DSE: variants seen among roughly 807,000 people sequenced by gnomAD.
DSE encodes dermatan sulfate epimerase.
A neutral mutation model predicts 84.4 loss-of-function variants in DSE; 36 were observed. The observed-to-expected ratio is 0.43, with a 90% confidence interval of 0.33 to 0.56. The LOEUF (loss-of-function observed/expected upper bound fraction) is 0.56, where lower values mean the gene tolerates loss of function less well. Among genes scored for constraint, DSE ranks in the 20% least tolerant of loss-of-function variants. DSE has a pLI of 0.06. For missense variants in DSE, 862 were observed against 1,169.6 expected (o/e 0.74, Z 3.84); for synonymous variants, 410 against 430.1 (o/e 0.95, Z 0.58).
chr6:116,278,252 T>G (rs2114630995), intron 2 of DSE: 1 of 464,738 alleles, frequency 2.2e-6, no homozygotes, highest in South Asian at 2.1e-5. Context: ...ACAGTATCAT[T>G]TGCTTGGCTT....
intron 2 of DSE, among the ~76,000 whole-genome samples, chr6:116,263,013 A>G (rs1204856): frequency 0.22 from 33,691 of 152,022 alleles, 3,874 homozygotes; most frequent in East Asian, 0.28. Context: ...GCATTTGCTG[A>G]TGAGTGTTTT....
In DSE at chr6:116,358,477, A is replaced by C. The variant is rs540229467; in HGVS notation, c.-53-40721A>C. On this transcript the variant is annotated intron_variant, in intron 2 of 3. Transcript: ENST00000430252. ...TGGAATATGCCAGGTGTAGGGTAGA[A>C]AATGCAGTTCTTGGAAGTATCCTTC... 1.9e-4 allele frequency among the ~76,000 whole-genome samples: 29 copies of C among 152,310 alleles called. No individual in the cohort carries two copies. In the South Asian group the frequency reaches 5.8e-3, roughly 30 times the overall value.
At chr6:116,317,599 A>G (rs1236452941) in intron 2 of DSE, among the ~76,000 whole-genome samples, 1 of 152,250 alleles carries the variant, frequency 6.6e-6, no homozygotes, top group Non-Finnish European at 1.5e-5. Context: ...GTTTAATGCT[A>G]AACAAAAGGG....
chr6:116,362,600 T>C (rs1583091917), intron 2 of DSE, among the ~76,000 whole-genome samples: 1 of 152,330 alleles, frequency 6.6e-6, no homozygotes, highest in Admixed American at 6.5e-5. Flanking sequence ...AGCACCTTGA[T>C]CTTGAACTTC....
intron 2 of DSE, among the ~76,000 whole-genome samples, chr6:116,331,403 G>A (rs891734667): frequency 2.6e-5 from 4 of 152,152 alleles, no homozygotes; most frequent in South Asian, 2.1e-4. Context: ...AGTGCACTGC[G>A]AAGTGGGGAA....
chr6:116,379,395 C>G (rs1562266866), intron 1 of DSE, among the ~76,000 whole-genome samples: 1 of 152,108 alleles, frequency 6.6e-6, no homozygotes, highest in Non-Finnish European at 1.5e-5. Flanking sequence ...CATTGAAAAC[C>G]TCCAAAGTTA....
In DSE at chr6:116,350,827, C is replaced by T. The variant is rs575610265; in HGVS notation, c.-53-48371C>T. Among the ~76,000 whole-genome samples, 18 of 151,830 alleles carry T rather than the reference C, an allele frequency of 1.2e-4. No individual in the cohort carries two copies. In the South Asian group the frequency reaches 3.7e-3, roughly 32 times the overall value. ...GACTCCAAGTAATAAAAAAAAATAG[C>T]TTTTGGGTCTTTTCCATGCCTTTAG... is the stretch of plus-strand genomic sequence containing the variant. On this transcript the variant is annotated intron_variant, in intron 2 of 3. Coordinates refer to the DSE transcript ENST00000430252.
At chr6:116,279,905 C>G (rs1392305415) in intron 2 of DSE, 1 of 1,595,598 alleles carries the variant, frequency 6.3e-7, no homozygotes, top group Admixed American at 1.7e-5. Context: ...AACCGCCGCT[C>G]GCACCGCCCA....
At chr6:116,292,134 G>C (rs753257085) in intron 2 of DSE, among the ~76,000 whole-genome samples, 31 of 152,150 alleles carry the variant, frequency 2.0e-4, no homozygotes, top group Non-Finnish European at 4.4e-4. Context: ...GACATCATCA[G>C]AGTGGACGAG....
chr6:116,331,754 C>T (rs1208564650), intron 2 of DSE, among the ~76,000 whole-genome samples: 2 of 152,030 alleles, frequency 1.3e-5, no homozygotes, highest in African/African-American at 4.8e-5. Context: ...GTCAGGGAAT[C>T]GAGACCATCA....
rs1450595850 is a variant in DSE at position 116,444,837 on chromosome 6, A to G, written c.*7492A>G. On this transcript the variant is annotated 3_prime_UTR_variant, in exon 6 of 6. Transcript: ENST00000644252. ...TTCCCTGTCCCCAGAACTGTGGTAAATAAATTTCTGTTGTTTGTAAGCCAC... is the reference window on the plus strand; with the variant it reads ...TTCCCTGTCCCCAGAACTGTGGTAAGTAAATTTCTGTTGTTTGTAAGCCAC... The G allele has an allele frequency of 6.6e-6, 1 of 152,220 alleles. No homozygotes were observed. Among genetic ancestry groups the G allele is most frequent in the East Asian group, 1.9e-4 (1 of 5,192 alleles). 9.4% of individuals were successfully genotyped at this position (152,220 alleles called of 1,614,324 possible).
chr6:116,397,538 A>G (rs2114990291), intron 1 of DSE, among the ~76,000 whole-genome samples: 1 of 152,178 alleles, frequency 6.6e-6, no homozygotes, highest in Admixed American at 6.5e-5. Flanking sequence ...AGCAAGGAAT[A>G]AGCCCCTGGG....
chr6:116,347,745 A>G (rs761287337), intron 2 of DSE, among the ~76,000 whole-genome samples: 1 of 152,166 alleles, frequency 6.6e-6, no homozygotes, highest in Non-Finnish European at 1.5e-5. Flanking sequence ...CAAGGACTTC[A>G]TGACTAAAAC....
chr6:116,435,913 A>C lies in DSE; in HGVS notation c.1445A>C (p.Asn482Thr). 6.2e-7 allele frequency: 1 copy of C among 1,613,994 alleles called. No homozygotes were observed. Among genetic ancestry groups the C allele is most frequent in the Non-Finnish European group, 8.5e-7 (1 of 1,179,984 alleles). Residue 482 changes from asparagine (N) to threonine (T), a missense_variant, in exon 6 of 6, where the codon AAT becomes ACT. Physicochemically the swap from Asn to Thr is moderately conservative, Grantham distance 65. Coordinates refer to ENST00000644252, the MANE Select transcript of DSE (RefSeq NM_013352.4). ...LYGPKYTFFNNVLMFSPAVSK... is the reference protein window; with the variant it reads ...LYGPKYTFFNTVLMFSPAVSK... ...GGGCCAAAGTACACCTTCTTCAACA[A>C]TGTTTTGATGTTTTCCCCAGCTGTG...
At chr6:116,258,793 G>C (rs755997814) in exon 2 of DSE, 1 of 1,609,720 alleles carries the variant, frequency 6.2e-7, no homozygotes, top group Non-Finnish European at 8.5e-7. Context: ...GACCTGCAGA[G>C]GGTTCTCGCC....
exon 2 of DSE, chr6:116,258,534 G>T: frequency 5.1e-6 from 7 of 1,371,240 alleles, no homozygotes; most frequent in Non-Finnish European, 4.2e-6. Context: ...AAGGCCACAC[G>T]TCCTTCTTCT....
intron 2 of DSE, chr6:116,279,299 C>T: frequency 1.4e-6 from 2 of 1,463,174 alleles, no homozygotes; most frequent in Non-Finnish European, 1.8e-6. Flanking sequence ...GCCAGGCCTT[C>T]CTTCACCACC....
intron 2 of DSE, among the ~76,000 whole-genome samples, chr6:116,323,609 G>A (rs1000366988): frequency 1.3e-5 from 2 of 152,086 alleles, no homozygotes; most frequent in East Asian, 3.8e-4. Context: ...TTAGTTCTAA[G>A]GGTAATGGAA....
chr6:116,338,781 T>C (rs774908962), intron 2 of DSE, among the ~76,000 whole-genome samples: 2 of 152,218 alleles, frequency 1.3e-5, no homozygotes, highest in Non-Finnish European at 2.9e-5. Context: ...TCAAGTGTTG[T>C]ACAGGGTGTC....
Sources: gnomAD v4.1 joint callset for allele counts (sites outside exome capture counted in the v4.1 genomes callset) on GRCh38, gnomAD v4.1.1 for gene constraint, MANE v1.5 for transcripts, NCBI Gene and HGNC (gene_info 2026-07-23, HGNC 2026-07-21) for gene names.